The following CRHR2 variants were observed in gnomAD, a reference collection of about 807,000 sequenced individuals.
CRHR2 encodes corticotropin-releasing hormone receptor 2.
A neutral mutation model predicts 57.9 loss-of-function variants in CRHR2; 53 were observed. The ratio of observed to expected loss-of-function variants is 0.92; its 90% CI spans 0.73 to 1.15. The LOEUF (loss-of-function observed/expected upper bound fraction) is 1.15, where lower values mean the gene tolerates loss of function less well. Among genes scored for constraint, CRHR2 ranks in the 50% most tolerant of loss-of-function variants. CRHR2 has a pLI of 0.00. For synonymous variants in CRHR2, 213 were observed against 220.9 expected, an observed-to-expected ratio of 0.96 and a Z score of 0.32; for missense variants, 532 against 542.6, an observed-to-expected ratio of 0.98 and a Z score of 0.19.
At chr7:30,691,838 C>T (rs1784966455) in intron 1 of CRHR2, among the ~76,000 whole-genome samples, 1 of 152,136 alleles carries the variant, frequency 6.6e-6, no homozygotes, top group African/African-American at 2.4e-5. Flanking sequence ...TTGGGCAGAG[C>T]CCCTAGTGGT....
At position 30,652,145 on chromosome 7, in the gene CRHR2, T is replaced by C. The variant is rs1002252843; in HGVS notation, c.*1315A>G. The C allele has an allele frequency of 1.4e-4, 22 of 152,244 alleles. No individual in the cohort carries two copies. Among genetic ancestry groups the C allele is most frequent in the Admixed American group, 1.0e-3 (16 of 15,290 alleles). 9.4% of individuals were successfully genotyped at this position (152,244 alleles called of 1,614,324 possible). A position where few individuals can be genotyped will look rare whatever the true frequency, so the allele number is the denominator to read the frequency against. ...TTGGTTTCTTTTGGAAGAAATGGCCTGATGCTTCTCTCTCCCTGACTCCTG... is the reference window on the plus strand; with the variant it reads ...TTGGTTTCTTTTGGAAGAAATGGCCCGATGCTTCTCTCTCCCTGACTCCTG... On this transcript the variant is annotated 3_prime_UTR_variant, in exon 12 of 12. Transcript: ENST00000471646. This position sits in a 1 kb window ranked among gnomAD's most constrained non-coding sequence, Gnocchi z 4.4.
At chr7:30,692,842 C>T (rs1342445421) in intron 1 of CRHR2, among the ~76,000 whole-genome samples, 1 of 152,208 alleles carries the variant, frequency 6.6e-6, no homozygotes, top group Non-Finnish European at 1.5e-5. Flanking sequence ...CGAAGTCACC[C>T]ACCAAAGGTC....
intron 2 of CRHR2, among the ~76,000 whole-genome samples, chr7:30,680,579 G>A (rs1784667015): frequency 6.6e-6 from 1 of 152,166 alleles, no homozygotes; most frequent in Non-Finnish European, 1.5e-5. Context: ...TATAAGGTCA[G>A]GACTAGGAAG....
At chr7:30,691,131 C>T (rs2128151042) in intron 1 of CRHR2, among the ~76,000 whole-genome samples, 1 of 152,312 alleles carries the variant, frequency 6.6e-6, no homozygotes, top group Middle Eastern at 3.4e-3. Flanking sequence ...CTGAGACCTT[C>T]CAGGAAGAAT....
At chr7:30,699,075 C>G (rs1448703348) in intron 1 of CRHR2, among the ~76,000 whole-genome samples, 1 of 152,200 alleles carries the variant, frequency 6.6e-6, no homozygotes, top group Non-Finnish European at 1.5e-5. Flanking sequence ...AGCGACAAGC[C>G]TCTTAGCTTC....
Position 30,653,499 on chromosome 7 carries a change from C to A in CRHR2, c.1197G>T (p.Arg399=), listed in dbSNP as rs1378937775. ...TCTGCTTGATGCTGTGGAAGCTGAT[C>A]CGTGTGGGTGATGTAGGGATGGACA... The part of the protein sequence containing the change: ...RAMSIPTSPT[R]ISFHSIKQTA... The change falls in exon 12 of 12, where the codon CGG becomes CGT. Residue 399 remains arginine, a synonymous_variant. Transcript: ENST00000471646. The surrounding 1 kb of genome is among the most constrained non-coding windows in gnomAD (Gnocchi z 5.0). 1.3e-5 allele frequency: 21 copies of A among 1,613,488 alleles called. No individual in the cohort carries two copies. The highest frequency in any genetic ancestry group is 1.7e-5 in the Non-Finnish European group (20 of 1,179,964).
In CRHR2 at chr7:30,656,599, G is replaced by C. The variant is rs1783800950; in HGVS notation, c.832-587C>G. ...CGTAGGCACCCTAGACAGGGAAGAT[G>C]GATGGGCTGTGGGGCTGGCTCTGAG... On this transcript the variant is annotated intron_variant, in intron 8 of 11. Coordinates refer to ENST00000471646, the MANE Select transcript of CRHR2 (RefSeq NM_001883.5). The surrounding 1 kb of genome is among the most constrained non-coding windows in gnomAD (Gnocchi z 4.4). 6.6e-6 allele frequency among the ~76,000 whole-genome samples: 1 copy of C among 152,192 alleles called. No individual in the cohort carries two copies. Among genetic ancestry groups the C allele is most frequent in the South Asian group, 2.1e-4 (1 of 4,834 alleles).
rs1783793137 is a variant in CRHR2 at position 30,656,456 on chromosome 7, G to A, written c.832-444C>T. On this transcript the variant is annotated intron_variant, in intron 8 of 11. Coordinates refer to ENST00000471646, the MANE Select transcript of CRHR2 (RefSeq NM_001883.5). The surrounding 1 kb of genome is among the most constrained non-coding windows in gnomAD (Gnocchi z 4.4). ...GTCGGCCTGAGGTCCTTCTGACTGA[G>A]GACAGCACTGCCATGGTGGGGCGGA... Among the ~76,000 whole-genome samples, 5 of 152,160 alleles carry A rather than the reference G, an allele frequency of 3.3e-5. No individual in the cohort carries two copies. The highest frequency in any genetic ancestry group is 3.3e-4 in the Admixed American group (5 of 15,286).
In CRHR2 at chr7:30,665,223, A is replaced by G; in HGVS notation, c.426-36T>C. 1 of 1,574,382 alleles carries G rather than the reference A, an allele frequency of 6.4e-7. No individual in the cohort carries two copies. Among genetic ancestry groups the G allele is most frequent in the Non-Finnish European group, 8.7e-7 (1 of 1,144,094 alleles). On this transcript the variant is annotated intron_variant, in intron 4 of 11. Transcript: ENST00000471646. The surrounding 1 kb of genome is among the most constrained non-coding windows in gnomAD (Gnocchi z 4.5). ...TGCAGGTCAGGGGTCAGCCAGGTTC[A>G]GGGGTCAACTGGGACTGGGTTCCCC...
rs575502717 is a variant in CRHR2, at chr7:30,680,146, C to T, written c.229+1769G>A. Among the ~76,000 whole-genome samples, 9 of 152,278 alleles carry T rather than the reference C, an allele frequency of 5.9e-5. No homozygotes were observed. In the South Asian group the frequency reaches 1.9e-3, roughly 32 times the overall value. ...CTTTGGGAAGTCTTCCTTGTCACCC[C>T]GCCCCCACACCCCAATCCCATAGAC... On this transcript the variant is annotated intron_variant, in intron 2 of 11. Coordinates refer to ENST00000471646, the MANE Select transcript of CRHR2 (RefSeq NM_001883.5).
At chr7:30,680,064 C>T (rs1452045609) in intron 2 of CRHR2, among the ~76,000 whole-genome samples, 1 of 152,224 alleles carries the variant, frequency 6.6e-6, no homozygotes, top group Non-Finnish European at 1.5e-5. Context: ...AACCTTTTAT[C>T]AGCTTCTCAT....
At chr7:30,678,831 A>C (rs1328356247) in intron 2 of CRHR2, among the ~76,000 whole-genome samples, 7 of 152,232 alleles carry the variant, frequency 4.6e-5, no homozygotes, top group African/African-American at 1.7e-4. Context: ...GGCGTCTTCA[A>C]CCTCATTTGC....
In CRHR2 at chr7:30,667,307, G is replaced by A. The variant is rs1167257454; in HGVS notation, c.236C>T (p.Ala79Val). 3.7e-6 allele frequency: 6 copies of A among 1,614,030 alleles called. No homozygotes were observed. The highest frequency in any genetic ancestry group is 4.2e-6 in the Non-Finnish European group (5 of 1,179,950). The change falls in exon 3 of 12, where the codon GCC (alanine) becomes GTC (valine). Residue 79 changes from alanine (A) to valine (V), a missense_variant. Coordinates refer to ENST00000471646, the MANE Select transcript of CRHR2 (RefSeq NM_001883.5). ...NGVKYNTTRN[A>V]YRECLENGTW... ...CCCATTCTCCAAGCATTCTCGATAG[G>A]CATTCCCTACAAAAAATGCCAACTG... is the stretch of plus-strand genomic sequence containing the variant.
chr7:30,685,971 C>T (rs1784847856), upstream of CRHR2, among the ~76,000 whole-genome samples: 1 of 152,156 alleles, frequency 6.6e-6, no homozygotes, highest in South Asian at 2.1e-4. Flanking sequence ...CACCCTTCTG[C>T]TCCATTTGAA....
Position 30,682,178 on chromosome 7 carries a change from C to T in CRHR2, c.103G>A (p.Gly35Ser), listed in dbSNP as rs752960862. The part of the protein sequence containing the change: ...DGWGPPLDPE[G>S]PYSYCNTTLD... ...CTCCGACCGCTCGCCTCCCGCCTAC[C>T]CTCGGGGTCCAGGGGTGGCCCCCAG... Residue 35 changes from glycine (G) to serine (S), a missense_variant and splice_region_variant, in exon 1 of 12, where the codon GGT (glycine) becomes AGT (serine). Gly to Ser is a moderately conservative substitution (Grantham distance 56). Transcript: ENST00000471646. 1.3e-6 allele frequency: 2 copies of T among 1,572,508 alleles called. No homozygotes were observed. Among genetic ancestry groups the T allele is most frequent in the Non-Finnish European group, 1.7e-6 (2 of 1,168,718 alleles).
At chr7:30,662,108 C>T in intron 7 of CRHR2, 48 bp downstream of exon 7, 2 of 1,602,076 alleles carry the variant, frequency 1.2e-6, no homozygotes, top group Non-Finnish European at 1.7e-6. Flanking sequence ...TGTCCTAACA[C>T]CCCCATTCCC....
In CRHR2 at chr7:30,665,082, G is replaced by T; in HGVS notation, c.531C>A (p.His177Gln). The change falls in exon 5 of 12, where the codon CAC (histidine) becomes CAA (glutamine). Residue 177 changes from histidine to glutamine, a missense_variant. Physicochemically the swap from His to Gln is conservative, Grantham distance 24. Coordinates refer to ENST00000471646, the MANE Select transcript of CRHR2 (RefSeq NM_001883.5). This position sits in a 1 kb window ranked among gnomAD's most constrained non-coding sequence, Gnocchi z 4.5. ...CCCGAGCAATGACCTCATTGCTCTCGTGCACTTCATGGTCAACGAGCTGCA... is the reference window on the plus strand; with the variant it reads ...CCCGAGCAATGACCTCATTGCTCTCTTGCACTTCATGGTCAACGAGCTGCA... Reference protein sequence around the residue: ...FLLQLVDHEVHESNEVWCRCI... With the variant: ...FLLQLVDHEVQESNEVWCRCI... 1 of 1,613,826 alleles carries T rather than the reference G, an allele frequency of 6.2e-7. No individual in the cohort carries two copies. The highest frequency in any genetic ancestry group is 8.5e-7 in the Non-Finnish European group (1 of 1,179,864).
At chr7:30,655,196 C>T (rs1783735785) in intron 10 of CRHR2, 116 bp from the exon 11 acceptor site, 4 of 1,207,434 alleles carry the variant, frequency 3.3e-6, no homozygotes, top group Non-Finnish European at 4.7e-6. Context: ...CCAGGAACCC[C>T]TGGAGTCAGA....
chr7:30,686,949 G>A (rs2128150118), upstream of CRHR2, among the ~76,000 whole-genome samples: 2 of 152,122 alleles, frequency 1.3e-5, no homozygotes, highest in Non-Finnish European at 2.9e-5. Context: ...ATTGTATGTA[G>A]TAGACAATAT....
Sources: gnomAD v4.1 joint callset for allele counts (sites outside exome capture counted in the v4.1 genomes callset) on GRCh38, gnomAD v4.1.1 for gene constraint, Gnocchi (gnomAD v3.1) non-coding constraint, MANE v1.5 for transcripts, NCBI Gene and HGNC (gene_info 2026-07-23, HGNC 2026-07-21) for gene names.